RBM39: variants seen among roughly 807,000 people sequenced by gnomAD.
RBM39 encodes RNA-binding protein 39.
In RBM39, 12 loss-of-function variants were observed where a neutral mutation model predicts 79.6. The observed-to-expected ratio is 0.15, with a 90% CI of 0.10 to 0.24. The LOEUF (loss-of-function observed/expected upper bound fraction) is 0.24. Among genes scored for constraint, RBM39 ranks in the 10% least tolerant of loss-of-function variants. The probability of loss-of-function intolerance (pLI) is 1.00; values close to 1 mark genes in which losing one functional copy is unlikely to be tolerated. For synonymous variants in RBM39, 185 were observed against 208.4 expected (o/e 0.89, Z 0.97); for missense variants, 243 against 653.4 (o/e 0.37, Z 6.85).
intron 6 of RBM39, among the ~76,000 whole-genome samples, chr20:35,725,845 G>GT (rs2146638161): frequency 6.6e-6 from 1 of 151,412 alleles, no homozygotes; most frequent in East Asian, 2.0e-4. Flanking sequence ...TGTATTTTAA[G>GT]TAGAGATGTG....
At chr20:35,707,027 TAAA>T (rs58614202) in intron 14 of RBM39, 90 bp downstream of exon 14, 1,075 of 151,412 alleles carry the variant, frequency 7.1e-3, no homozygotes, top group East Asian at 0.023. Context: ...AACTCCATCT[TAAA>T]AAAAAAAAAA....
chr20:35,720,038 CT>C, intron 9 of RBM39: 1 of 239,156 alleles, frequency 4.2e-6, no homozygotes, highest in Non-Finnish European at 9.1e-6. Context: ...TTGCCTCGGC[CT>C]CCCAAACAAA....
In RBM39 at chr20:35,704,652, A is replaced by C. The variant is rs1250957494; in HGVS notation, c.1492+16T>G. ...AGCCTTAATAACAATCAGTCAAAAA[A>C]TAAATTCAAACTCACCAGCAAACCA... On this transcript the variant is annotated intron_variant, in intron 16 of 16. Transcript: ENST00000253363. 3 of 1,613,760 alleles carry C rather than the reference A, an allele frequency of 1.9e-6. No homozygotes were observed. The highest frequency in any genetic ancestry group is 2.5e-6 in the Non-Finnish European group (3 of 1,179,688).
At chr20:35,722,410 AAAAATAAAAAT>A (rs377661063) in intron 8 of RBM39, among the ~76,000 whole-genome samples, 3,216 of 120,528 alleles carry the variant, frequency 0.027, 92 homozygotes, top group African/African-American at 0.076. Context: ...CAGTCTCAAA[AAAAATAAAAAT>A]AAAAAAAAAA....
At chr20:35,739,779 T>C in intron 2 of RBM39, 1 of 260,126 alleles carries the variant, frequency 3.8e-6, no homozygotes, top group Non-Finnish European at 7.8e-6. Flanking sequence ...TTTAAATCTA[T>C]CAAGAATTCA....
Position 35,729,468 on chromosome 20 carries a change from T to G in RBM39, c.356A>C (p.Lys119Thr). 1.9e-6 allele frequency: 3 copies of G among 1,613,802 alleles called. No homozygotes were observed. The highest frequency in any genetic ancestry group is 2.5e-6 in the Non-Finnish European group (3 of 1,179,900). ...CAGAAGTATGTTTAAAAACCTTAAT[T>G]TGATGCTATGAGGCAACCCAATCTT... ...RGKIGLPHSI[K>T]LSRRRSRSKS... The change falls in exon 5 of 17, where the codon AAA (lysine) becomes ACA (threonine). Residue 119 changes from lysine (K) to threonine (T), a missense_variant. By Grantham distance (78) the Lys-to-Thr change is moderately conservative. Transcript: ENST00000253363.
intron 13 of RBM39, chr20:35,708,837 C>G (rs896624146): frequency 3.7e-5 from 7 of 188,630 alleles, no homozygotes; most frequent in African/African-American, 1.7e-4. Flanking sequence ...TGATTCACAA[C>G]TTTATACTAA....
At chr20:35,726,393 A>T (rs1457690025) in intron 6 of RBM39, among the ~76,000 whole-genome samples, 2 of 152,282 alleles carry the variant, frequency 1.3e-5, no homozygotes, top group East Asian at 3.9e-4. Context: ...GGCCTCCAAA[A>T]GTACTCGGAT....
At chr20:35,736,814 A>G (rs541110299) in intron 3 of RBM39, among the ~76,000 whole-genome samples, 2 of 151,890 alleles carry the variant, frequency 1.3e-5, no homozygotes, top group Admixed American at 6.5e-5. Flanking sequence ...CACCACGCCC[A>G]GCTAATTTTT....
intron 3 of RBM39, chr20:35,735,043 T>G (rs773341781): frequency 6.3e-6 from 10 of 1,584,276 alleles, no homozygotes; most frequent in Non-Finnish European, 8.5e-6. Context: ...ATTTGACCTC[T>G]TCCATGTAAG....
intron 8 of RBM39, among the ~76,000 whole-genome samples, chr20:35,723,506 T>A (rs1215116534): frequency 6.6e-6 from 1 of 152,210 alleles, no homozygotes; most frequent in Non-Finnish European, 1.5e-5. Flanking sequence ...TGGCGTGATC[T>A]TGCCTCACTG....
chr20:35,701,580 C>T lies in RBM39; in HGVS notation c.*2901G>A, dbSNP rs1281341033. ...CATCTTGGGTAACACGGTGACACCCCGTCTCTACTAAAAATACAAAAACTT... is the reference window on the plus strand; with the variant it reads ...CATCTTGGGTAACACGGTGACACCCTGTCTCTACTAAAAATACAAAAACTT... On this transcript the variant is annotated 3_prime_UTR_variant, in exon 17 of 17. Transcript: ENST00000253363. 5.3e-5 allele frequency: 8 copies of T among 152,194 alleles called. No homozygotes were observed. The highest frequency in any genetic ancestry group is 3.9e-4 in the Admixed American group (6 of 15,280). 9.4% of individuals were successfully genotyped at this position (152,194 alleles called of 1,614,324 possible). A position where few individuals can be genotyped will look rare whatever the true frequency, so the allele number is the denominator to read the frequency against.
intron 12 of RBM39, among the ~76,000 whole-genome samples, chr20:35,712,493 G>A (rs1356343548): frequency 1.4e-5 from 2 of 143,918 alleles, no homozygotes; most frequent in East Asian, 2.0e-4. Context: ...AGGGGAATGA[G>A]TGTTTTATGA....
chr20:35,734,388 A>G, intron 3 of RBM39: 2 of 337,656 alleles, frequency 5.9e-6, no homozygotes, highest in Non-Finnish European at 5.7e-6. Context: ...AATAGGTAAC[A>G]CTCCAATTTT....
chr20:35,723,710 T>G (rs2038289020), intron 8 of RBM39, among the ~76,000 whole-genome samples: 1 of 152,144 alleles, frequency 6.6e-6, no homozygotes, highest in Non-Finnish European at 1.5e-5. Flanking sequence ...AGTGCTGGGA[T>G]TACAGGCATG....
intron 3 of RBM39, among the ~76,000 whole-genome samples, chr20:35,738,064 G>A (rs1396110171): frequency 1.3e-5 from 2 of 151,820 alleles, no homozygotes; most frequent in African/African-American, 2.4e-5. Flanking sequence ...GCTGAGGCAG[G>A]GGAATCACTT....
chr20:35,736,406 TACC>T (rs936166722), intron 3 of RBM39: 11 of 310,024 alleles, frequency 3.5e-5, no homozygotes, highest in Non-Finnish European at 6.1e-5. Flanking sequence ...TTTAATCCAT[TACC>T]ACATTATTTT....
chr20:35,725,026 G>C lies in RBM39; in HGVS notation c.534+12C>G, dbSNP rs368515113. The C allele has an allele frequency of 1.9e-6, 3 of 1,576,694 alleles. No individual in the cohort carries two copies. Among genetic ancestry groups the C allele is most frequent in the Non-Finnish European group, 2.6e-6 (3 of 1,151,586 alleles). ...TCTACCTACTTGACCTCCCTAAACA[G>C]GTTAAGATTACCTTTCCTACTGTAG... On this transcript the variant is annotated intron_variant, in intron 7 of 16. Transcript: ENST00000253363.
At chr20:35,726,857 T>C (rs1465203900) in intron 6 of RBM39, among the ~76,000 whole-genome samples, 1 of 152,128 alleles carries the variant, frequency 6.6e-6, no homozygotes, top group African/African-American at 2.4e-5. Flanking sequence ...AAACGCAGTC[T>C]AGCTGTCACC....
Sources: allele counts gnomAD v4.1 joint callset (sites outside exome capture counted in the v4.1 genomes callset), GRCh38; gene constraint gnomAD v4.1.1; transcripts MANE v1.5; gene names NCBI Gene and HGNC (gene_info 2026-07-23, HGNC 2026-07-21).